Variants in PGBD2 observed in about 807,000 individuals in gnomAD.
PGBD2 encodes piggyBac transposable element-derived protein 2.
Under a neutral mutation model 8.1 loss-of-function variants are expected in PGBD2, and 6 were observed. The observed-to-expected ratio is 0.74, with a 90% CI of 0.40 to 1.46. The LOEUF is 1.46. Ranked by LOEUF, PGBD2 falls within the 40% of genes most tolerant of loss-of-function variation. The pLI is 0.02. For synonymous variants in PGBD2, 318 were observed against 272.2 expected, an observed-to-expected ratio of 1.17 and a Z score of -1.66; for missense variants, 802 against 739.0, an observed-to-expected ratio of 1.09 and a Z score of -0.99.
At chr1:248,898,280 A>C in the PGBD2 span, among the ~76,000 whole-genome samples, 1 of 152,156 alleles carries the variant, frequency 6.6e-6, no homozygotes, top group Non-Finnish European at 1.5e-5. Context: ...TCCTGACTGA[A>C]TGAGACCTCC....
intron 1 of PGBD2, among the ~76,000 whole-genome samples, chr1:248,909,715 AC>A (rs1390992514): frequency 2.4e-4 from 37 of 152,300 alleles, no homozygotes; most frequent in African/African-American, 6.7e-4. Context: ...GATGAGAAAG[AC>A]ATTGCAGGGG....
At chr1:248,911,221 T>A (rs573710955) in intron 1 of PGBD2, among the ~76,000 whole-genome samples, 3,363 of 148,664 alleles carry the variant, frequency 0.023, 43 homozygotes, top group Admixed American at 0.037. Flanking sequence ...CAGATAAACA[T>A]GTGAACAAGG....
chr1:248,907,062 CA>C (rs1312214280), intron 1 of PGBD2, among the ~76,000 whole-genome samples: 1 of 152,114 alleles, frequency 6.6e-6, no homozygotes, highest in African/African-American at 2.4e-5. Flanking sequence ...GGACTTGCAC[CA>C]GCACCGGTCT....
chr1:248,895,193 T>C, the PGBD2 span, among the ~76,000 whole-genome samples: 1 of 152,114 alleles, frequency 6.6e-6, no homozygotes, highest in African/African-American at 2.4e-5. Context: ...CAGGCCAATG[T>C]TTGGGAACTT....
At chr1:248,905,399 G>A (rs1447965190), upstream of PGBD2, among the ~76,000 whole-genome samples, 2 of 152,278 alleles carry the variant, frequency 1.3e-5, no homozygotes, top group South Asian at 4.1e-4. Flanking sequence ...TACCTAATGG[G>A]CTACTGGGTT....
the PGBD2 span, among the ~76,000 whole-genome samples, chr1:248,890,880 A>C: frequency 6.7e-6 from 1 of 149,260 alleles, no homozygotes; most frequent in Admixed American, 6.7e-5. Flanking sequence ...CCCCCATCAC[A>C]CTGCAGATGC....
upstream of PGBD2, among the ~76,000 whole-genome samples, chr1:248,905,259 T>C (rs1298998437): frequency 6.6e-6 from 1 of 151,858 alleles, no homozygotes; most frequent in Non-Finnish European, 1.5e-5. Context: ...AGTGTCAGTG[T>C]GGAGAAGCAA....
At chr1:248,911,489 C>T (rs1255633192) in intron 1 of PGBD2, among the ~76,000 whole-genome samples, 1 of 147,990 alleles carries the variant, frequency 6.8e-6, no homozygotes, top group Non-Finnish European at 1.5e-5. Context: ...TAGTACAGAA[C>T]AAAACGAAAA....
chr1:248,916,660 G>T lies in PGBD2; in HGVS notation c.76G>T (p.Val26Phe). ...GGTGAAGTCTGCAAAGCTGCTTGAG[G>T]TTCTGAATGCTATGGAGGAGGAAGA... ...SKVKSAKLLE[V>F]LNAMEEEESN... The change falls in exon 3 of 3, where the codon GTT becomes TTT. Residue 26 changes from valine (V) to phenylalanine (F), a missense_variant. Val to Phe is a conservative substitution (Grantham distance 50). Transcript: ENST00000329291. The T allele has an allele frequency of 6.2e-7, 1 of 1,614,170 alleles. No homozygotes were observed. The highest frequency in any genetic ancestry group is 8.5e-7 in the Non-Finnish European group (1 of 1,180,030).
chr1:248,926,742 A>G, the PGBD2 span, among the ~76,000 whole-genome samples: 2 of 152,224 alleles, frequency 1.3e-5, no homozygotes, highest in Non-Finnish European at 2.9e-5. Context: ...GTTTAGATTC[A>G]TGTGGGAATA....
At chr1:248,916,507 G>C in intron 2 of PGBD2, 95 bp from the exon 3 acceptor site, 1 of 1,006,262 alleles carries the variant, frequency 9.9e-7, no homozygotes, top group South Asian at 1.6e-5. Flanking sequence ...CCATTCAAGT[G>C]GAAGTGTTTT....
downstream of PGBD2, among the ~76,000 whole-genome samples, chr1:248,924,915 T>C (rs1662353708): frequency 6.6e-6 from 1 of 152,158 alleles, no homozygotes; most frequent in Non-Finnish European, 1.5e-5. Flanking sequence ...CTCTAGTGGA[T>C]TCTGGCAGGC....
At chr1:248,908,107 G>A (rs1661725562) in intron 1 of PGBD2, among the ~76,000 whole-genome samples, 1 of 152,062 alleles carries the variant, frequency 6.6e-6, no homozygotes, top group Non-Finnish European at 1.5e-5. Context: ...ACACCTACAG[G>A]CCTTATTCGA....
Position 248,916,764 on chromosome 1 carries a change from G to A in PGBD2, c.180G>A (p.Gly60=), listed in dbSNP as rs1347483973. The stretch of plus-strand genomic sequence containing the variant: ...GGGAATTCACTGATGAGGACTCAGG[G>A]GATGAAGACAGCCAGCGAGGTGCTC... The part of the protein sequence containing the change: ...AAGEFTDEDS[G]DEDSQRGAHL... The change falls in exon 3 of 3, where the codon GGG becomes GGA. Residue 60 remains glycine, a synonymous_variant. Coordinates refer to ENST00000329291, the MANE Select transcript of PGBD2 (RefSeq NM_170725.3). 1 of 1,614,050 alleles carries A rather than the reference G, an allele frequency of 6.2e-7. No individual in the cohort carries two copies. Among genetic ancestry groups the A allele is most frequent in the Non-Finnish European group, 8.5e-7 (1 of 1,180,038 alleles).
the PGBD2 span, among the ~76,000 whole-genome samples, chr1:248,929,452 C>A: frequency 2.0e-5 from 3 of 152,170 alleles, no homozygotes; most frequent in East Asian, 5.8e-4. Flanking sequence ...GGCTGGCACC[C>A]CTTTGACTCA....
Position 248,913,889 on chromosome 1 carries a change from C to G in PGBD2, c.17+10C>G. 1 of 1,605,722 alleles carries G rather than the reference C, an allele frequency of 6.2e-7. No individual in the cohort carries two copies. Among genetic ancestry groups the G allele is most frequent in the Non-Finnish European group, 8.5e-7 (1 of 1,172,474 alleles). ...TGGCTTCAACATCCAGGTAGGAGTGCTGTTTGATCAAATGTTTTATTGAAG... is the reference window on the plus strand; with the variant it reads ...TGGCTTCAACATCCAGGTAGGAGTGGTGTTTGATCAAATGTTTTATTGAAG... On this transcript the variant is annotated intron_variant, in intron 2 of 2. Transcript: ENST00000329291.
intron 1 of PGBD2, among the ~76,000 whole-genome samples, chr1:248,910,998 C>T (rs1661850531): frequency 6.6e-6 from 1 of 152,154 alleles, no homozygotes; most frequent in African/African-American, 2.4e-5. Flanking sequence ...CCAAGAGTTT[C>T]CTCCTGCCCC....
chr1:248,904,603 CTTTT>C (rs769493416), upstream of PGBD2, among the ~76,000 whole-genome samples: 1 of 152,194 alleles, frequency 6.6e-6, no homozygotes. Context: ...CTTTGACTTT[CTTTT>C]GTCTCCAGCC....
At chr1:248,905,193 TC>T (rs1316041964), upstream of PGBD2, among the ~76,000 whole-genome samples, 1 of 152,250 alleles carries the variant, frequency 6.6e-6, no homozygotes, top group Non-Finnish European at 1.5e-5. Flanking sequence ...ATGATTTTTT[TC>T]TTCTGATCCA....
Sources: allele counts gnomAD v4.1 joint callset (sites outside exome capture counted in the v4.1 genomes callset), GRCh38; gene constraint gnomAD v4.1.1; transcripts MANE v1.5; gene names NCBI Gene and HGNC (gene_info 2026-07-23, HGNC 2026-07-21).